Variants in FER1L6 observed in about 807,000 individuals in gnomAD.
The protein encoded by FER1L6 is fer-1-like protein 6.
In FER1L6, 177 loss-of-function variants were observed where a neutral mutation model predicts 219.2. The observed-to-expected ratio is 0.81, with a 90% confidence interval of 0.71 to 0.91. The LOEUF (loss-of-function observed/expected upper bound fraction) is 0.91, where lower values mean the gene tolerates loss of function less well. FER1L6 is among the 40% of genes least tolerant of loss of function. The pLI is 0.00. For missense variants in FER1L6, 2,153 were observed against 2,259.9 expected, an observed-to-expected ratio of 0.95 and a Z score of 0.96; for synonymous variants, 768 against 824.3, an observed-to-expected ratio of 0.93 and a Z score of 1.17.
intron 39 of FER1L6, among the ~76,000 whole-genome samples, chr8:124,106,965 T>TC (rs1822804658): frequency 1.2e-5 from 1 of 86,426 alleles, no homozygotes; most frequent in African/African-American, 4.2e-5. Flanking sequence ...TTTTTTTTTT[T>TC]TGAGACAGAG....
intron 21 of FER1L6, among the ~76,000 whole-genome samples, chr8:124,049,322 A>C (rs1257979288): frequency 6.6e-6 from 1 of 152,150 alleles, no homozygotes; most frequent in African/African-American, 2.4e-5. Flanking sequence ...CTGGGATTAC[A>C]GGCCTGAGCT....
intron 39 of FER1L6, among the ~76,000 whole-genome samples, chr8:124,110,277 T>C (rs1822968466): frequency 6.6e-6 from 1 of 152,182 alleles, no homozygotes; most frequent in Non-Finnish European, 1.5e-5. Flanking sequence ...TGAAAAAATA[T>C]ATAATCAATC....
intron 1 of FER1L6, among the ~76,000 whole-genome samples, chr8:123,903,084 C>A (rs1407572957): frequency 6.6e-6 from 1 of 151,838 alleles, no homozygotes; most frequent in Non-Finnish European, 1.5e-5. Flanking sequence ...TTTTTAAATG[C>A]AATTATATCT....
At chr8:124,048,713 T>C (rs1434802978) in intron 21 of FER1L6, among the ~76,000 whole-genome samples, 2 of 152,232 alleles carry the variant, frequency 1.3e-5, no homozygotes, top group African/African-American at 4.8e-5. Flanking sequence ...GTTCTCATGA[T>C]CCTATGGAAA....
At chr8:124,098,715 T>C (rs1822415931) in intron 37 of FER1L6, among the ~76,000 whole-genome samples, 2 of 152,178 alleles carry the variant, frequency 1.3e-5, no homozygotes, top group African/African-American at 4.8e-5. Context: ...ATCCTGTAAA[T>C]AGGTATTTTA....
At chr8:123,908,870 A>C (rs1813003011) in intron 1 of FER1L6, among the ~76,000 whole-genome samples, 1 of 152,220 alleles carries the variant, frequency 6.6e-6, no homozygotes, top group South Asian at 2.1e-4. Flanking sequence ...ATGACGAAAC[A>C]CATTTTGGAT....
At chr8:123,864,800 C>T (rs879126842) in intron 1 of FER1L6, among the ~76,000 whole-genome samples, 23 of 150,536 alleles carry the variant, frequency 1.5e-4, no homozygotes, top group Non-Finnish European at 7.3e-5. Flanking sequence ...GCATTCTTCA[C>T]GTAGTTCTCA....
intron 13 of FER1L6, among the ~76,000 whole-genome samples, chr8:124,007,292 C>T (rs1817703296): frequency 6.6e-6 from 1 of 151,584 alleles, no homozygotes; most frequent in African/African-American, 2.4e-5. Flanking sequence ...CTCTCTCCCT[C>T]TCTCCCTCTC....
At chr8:123,964,144 A>G (rs1430691804) in intron 3 of FER1L6, among the ~76,000 whole-genome samples, 1 of 152,214 alleles carries the variant, frequency 6.6e-6, no homozygotes, top group South Asian at 2.1e-4. Context: ...AGTTCTCTTG[A>G]GGTGTAGGCT....
rs1312918595 is a variant in FER1L6, at chr8:123,952,435, C to T, written c.-7-3557C>T. Among the ~76,000 whole-genome samples, 7 of 152,220 alleles carry T rather than the reference C, an allele frequency of 4.6e-5. No individual in the cohort carries two copies. The South Asian group carries it at 8.3e-4, about 18-fold the overall frequency. ...GCTCTTATTGTTTGGATACAGATAT[C>T]GGAGTCGCAGTAGCTTTCACCCTGA... is the stretch of plus-strand genomic sequence containing the variant. On this transcript the variant is annotated intron_variant, in intron 1 of 40. Transcript: ENST00000522917.
intron 40 of FER1L6, 27 bp from the exon 41 acceptor site, chr8:124,119,561 GTTGACAGGATGCCCCCTTT>G (rs1252672062): frequency 7.8e-7 from 1 of 1,284,330 alleles, no homozygotes; most frequent in Non-Finnish European, 1.1e-6. Flanking sequence ...CATTCTGAGT[GTTGACAGGATGCCCCCTTT>G]TTGATTTTCT....
At chr8:124,038,380 A>G (rs1180546151) in intron 19 of FER1L6, among the ~76,000 whole-genome samples, 1 of 152,184 alleles carries the variant, frequency 6.6e-6, no homozygotes, top group Non-Finnish European at 1.5e-5. Flanking sequence ...CTATCTCACT[A>G]AGCACTTAGA....
intron 5 of FER1L6, among the ~76,000 whole-genome samples, chr8:123,969,358 G>C (rs976098473): frequency 2.0e-5 from 3 of 151,792 alleles, no homozygotes; most frequent in Admixed American, 6.6e-5. Context: ...AAAAATCCTG[G>C]GAAAAGTAGA....
chr8:123,855,328 G>A (rs1816613452), intron 1 of FER1L6, among the ~76,000 whole-genome samples: 1 of 152,166 alleles, frequency 6.6e-6, no homozygotes, highest in Non-Finnish European at 1.5e-5. Context: ...AAAACTGCGA[G>A]CTCCTGGCAG....
chr8:124,035,538 G>A (rs1396525307), intron 19 of FER1L6, 84 bp downstream of exon 19: 5 of 1,376,780 alleles, frequency 3.6e-6, no homozygotes, highest in African/African-American at 2.9e-5. Flanking sequence ...GCATGCATGA[G>A]TTTTTTGCAC....
Position 124,050,730 on chromosome 8 carries a change from C to T in FER1L6, c.2874+974C>T, listed in dbSNP as rs1194537802. The stretch of plus-strand genomic sequence containing the variant: ...GCAGACCTGGCATGACTGGTGTCTT[C>T]ATGCCACCAAGAGAGAGAGAAGTTA... On this transcript the variant is annotated intron_variant, in intron 22 of 40. Coordinates refer to ENST00000522917, the MANE Select transcript of FER1L6 (RefSeq NM_001039112.2). 2.6e-5 allele frequency among the ~76,000 whole-genome samples: 4 copies of T among 152,188 alleles called. No homozygotes were observed. In the East Asian group the frequency reaches 7.8e-4, roughly 30 times the overall value.
intron 1 of FER1L6, among the ~76,000 whole-genome samples, chr8:123,926,917 T>G (rs1813584267): frequency 6.6e-6 from 1 of 152,178 alleles, no homozygotes; most frequent in African/African-American, 2.4e-5. Context: ...ATCAGAAAGA[T>G]TATAAATTTT....
intron 18 of FER1L6, among the ~76,000 whole-genome samples, chr8:124,034,728 G>A (rs549395081): frequency 1.2e-4 from 18 of 152,276 alleles, no homozygotes; most frequent in African/African-American, 4.3e-4. Context: ...CTGACTTATG[G>A]AAGAAGTACT....
intron 1 of FER1L6, among the ~76,000 whole-genome samples, chr8:123,878,732 T>C (rs143617486): frequency 1.5e-3 from 225 of 152,382 alleles, no homozygotes; most frequent in African/African-American, 5.2e-3. Context: ...TTTTGCCTTG[T>C]CCAAATACTA....
Sources: allele counts gnomAD v4.1 joint callset (sites outside exome capture counted in the v4.1 genomes callset), GRCh38; gene constraint gnomAD v4.1.1; transcripts MANE v1.5; gene names NCBI Gene and HGNC (gene_info 2026-07-23, HGNC 2026-07-21).